The following MBD3L1 variants were observed in gnomAD, a reference collection of about 807,000 sequenced individuals.
MBD3L1 encodes methyl-CpG binding domain protein 3 like 1.
For synonymous variants in MBD3L1, 84 were observed against 85.1 expected (o/e 0.99, Z 0.07); for missense variants, 203 against 230.1 (o/e 0.88, Z 0.76).
chr19:8,834,377 AGGCAG>A (rs2044430222), intron 1 of MBD3L1, among the ~76,000 whole-genome samples: 1 of 152,226 alleles, frequency 6.6e-6, no homozygotes, highest in South Asian at 2.1e-4. Flanking sequence ...TGGGAGGCTG[AGGCAG>A]GCAGATCACG....
In MBD3L1 at chr19:8,841,625, C is replaced by T. The variant is rs555008781; in HGVS notation, c.-22+626C>T. 3.9e-5 allele frequency among the ~76,000 whole-genome samples: 6 copies of T among 152,212 alleles called. No individual in the cohort carries two copies. In the East Asian group the frequency reaches 5.8e-4, roughly 15 times the overall value. ...AGACTGGAGTGCAGTGGTGCGATCT[C>T]GGCTCACTGCCACCTCCAGCTCCCG... On this transcript the variant is annotated intron_variant, in intron 2 of 2. Coordinates refer to ENST00000595891, the MANE Select transcript of MBD3L1 (RefSeq NM_001393532.1).
rs542318207 is a variant in MBD3L1, at chr19:8,838,252, C to CAA, written c.-106-2633_-106-2632dup. ...TGGACGACAGAGCAAGACTCCATCT[C>CAA]AAAAAAAAAAAAAAAAAAAAAAAAA... is the stretch of plus-strand genomic sequence containing the variant. On this transcript the variant is annotated intron_variant, in intron 1 of 2. Coordinates refer to ENST00000595891, the MANE Select transcript of MBD3L1 (RefSeq NM_001393532.1). 8.5e-3 allele frequency among the ~76,000 whole-genome samples: 100 copies of CAA among 11,830 alleles called. 24 individuals carry two copies. The highest frequency in any genetic ancestry group is 0.017 in the African/African-American group (68 of 4,046). 7.8% of individuals were successfully genotyped at this position (11,830 alleles called of 152,430 possible).
At chr19:8,834,039 G>T (rs1261055092) in intron 1 of MBD3L1, among the ~76,000 whole-genome samples, 1 of 152,102 alleles carries the variant, frequency 6.6e-6, no homozygotes, top group South Asian at 2.1e-4. Flanking sequence ...AAAGATACTG[G>T]TAAGTGCAAA....
chr19:8,842,098 G>T (rs193214793), intron 2 of MBD3L1, among the ~76,000 whole-genome samples: 1,872 of 152,170 alleles, frequency 0.012, 18 homozygotes, highest in South Asian at 0.027. Context: ...GAGGTCGAGG[G>T]GGGGTGGATC....
rs577880627 is a variant in MBD3L1 at position 8,842,253 on chromosome 19, G to A, written c.-21-405G>A. 6.6e-4 allele frequency among the ~76,000 whole-genome samples: 100 copies of A among 151,682 alleles called. 1 individual carries two copies. The highest frequency in any genetic ancestry group is 3.3e-3 in the South Asian group (16 of 4,796). On this transcript the variant is annotated intron_variant, in intron 2 of 2. Transcript: ENST00000595891. ...AGGTGGGTGGATCACTTGAGCCTGG[G>A]GAGGTAAAGGCTGCAGTGAGCTGTG...
intron 1 of MBD3L1, among the ~76,000 whole-genome samples, chr19:8,840,028 C>CA (rs2044495739): frequency 6.6e-6 from 1 of 151,476 alleles, no homozygotes; most frequent in Admixed American, 6.6e-5. Flanking sequence ...CTAAAAATAC[C>CA]AAAAAATTAG....
chr19:8,836,388 TTCC>T (rs1277946897), intron 1 of MBD3L1, among the ~76,000 whole-genome samples: 1 of 151,598 alleles, frequency 6.6e-6, no homozygotes. Context: ...ACTCCTCCCC[TTCC>T]TCCTCCTCCT....
intron 1 of MBD3L1, among the ~76,000 whole-genome samples, chr19:8,834,692 A>G (rs1311963038): frequency 3.3e-5 from 5 of 151,912 alleles, no homozygotes; most frequent in Non-Finnish European, 4.4e-5. Flanking sequence ...ATGAAATTGG[A>G]CCTCTACTTC....
chr19:8,837,935 G>T (rs2044470920), intron 1 of MBD3L1, among the ~76,000 whole-genome samples: 1 of 151,960 alleles, frequency 6.6e-6, no homozygotes, highest in Admixed American at 6.6e-5. Context: ...AGACAGCAAG[G>T]CTGAAATTCT....
intron 1 of MBD3L1, among the ~76,000 whole-genome samples, chr19:8,838,278 A>AAAAAAAAAAAAAAAAC (rs1261754084): frequency 6.8e-6 from 1 of 147,540 alleles, no homozygotes; most frequent in Non-Finnish European, 1.5e-5. Flanking sequence ...AAAAAAAAAA[A>AAAAAAAAAAAAAAAAC]AAAAAGATCA....
chr19:8,837,766 A>G (rs184334914), intron 1 of MBD3L1, among the ~76,000 whole-genome samples: 37 of 152,342 alleles, frequency 2.4e-4, no homozygotes, highest in African/African-American at 8.2e-4. Flanking sequence ...AGTAAAAACA[A>G]CTAGTAGCTT....
intron 1 of MBD3L1, among the ~76,000 whole-genome samples, chr19:8,835,498 G>A (rs903900112): frequency 6.6e-6 from 1 of 152,062 alleles, no homozygotes; most frequent in African/African-American, 2.4e-5. Flanking sequence ...ACACCCATTG[G>A]GATAATTAAA....
At chr19:8,837,339 T>A (rs2044465684) in intron 1 of MBD3L1, among the ~76,000 whole-genome samples, 1 of 152,218 alleles carries the variant, frequency 6.6e-6, no homozygotes, top group Non-Finnish European at 1.5e-5. Flanking sequence ...AGTACTGGTG[T>A]AGCCGTATGA....
At chr19:8,833,336 T>TG (rs1423735248) in intron 1 of MBD3L1, 3 of 152,208 alleles carry the variant, frequency 2.0e-5, no homozygotes, top group African/African-American at 7.2e-5. Flanking sequence ...AGGAGAGGAC[T>TG]GGGTCATAGA....
Position 8,840,116 on chromosome 19 carries a change from G to A in MBD3L1, c.-106-799G>A, listed in dbSNP as rs565293798. On this transcript the variant is annotated intron_variant, in intron 1 of 2. Coordinates refer to ENST00000595891, the MANE Select transcript of MBD3L1 (RefSeq NM_001393532.1). The stretch of plus-strand genomic sequence containing the variant: ...AGATAATTGCTTGAACCCGGGCAGT[G>A]GAGGTTGCAGTGAGCCCAGATCATC... Among the ~76,000 whole-genome samples, 9 of 151,680 alleles carry A rather than the reference G, an allele frequency of 5.9e-5. No individual in the cohort carries two copies. In the East Asian group the frequency reaches 1.6e-3, roughly 26 times the overall value.
chr19:8,841,255 C>G (rs960830122), intron 2 of MBD3L1, among the ~76,000 whole-genome samples: 17 of 150,714 alleles, frequency 1.1e-4, no homozygotes, highest in Non-Finnish European at 2.2e-4. Context: ...TGGTCTTGAA[C>G]TCCTGGCCTC....
Position 8,842,785 on chromosome 19 carries a change from A to C in MBD3L1, c.107A>C (p.Lys36Thr), listed in dbSNP as rs2044526162. Reference sequence around the variant, plus strand: ...TTGAGAATGTCCAGTTACACATTCAAGAGGCCAGTAACGAGAATTACACCC... The same window carrying C: ...TTGAGAATGTCCAGTTACACATTCACGAGGCCAGTAACGAGAATTACACCC... Reference protein sequence around the residue: ...IPLRMSSYTFKRPVTRITPHP... With the variant: ...IPLRMSSYTFTRPVTRITPHP... Residue 36 changes from lysine (K) to threonine (T), a missense_variant, in exon 3 of 3, where the codon AAG becomes ACG. By Grantham distance (78) the Lys-to-Thr change is moderately conservative. Coordinates refer to ENST00000595891, the MANE Select transcript of MBD3L1 (RefSeq NM_001393532.1). 6.2e-7 allele frequency: 1 copy of C among 1,614,126 alleles called. No homozygotes were observed. Among genetic ancestry groups the C allele is most frequent in the Non-Finnish European group, 8.5e-7 (1 of 1,180,040 alleles).
chr19:8,842,932 G>A lies in MBD3L1; in HGVS notation c.254G>A (p.Ser85Asn), dbSNP rs377030363. ...TACAGCAGTGCAGGAGAACTTTCAA[G>A]CACTTTGGATCTTGCCAATACCTTG... is the stretch of plus-strand genomic sequence containing the variant. ...QAYSSAGELS[S>N]TLDLANTLQK... Residue 85 changes from serine (S) to asparagine (N), a missense_variant, in exon 3 of 3, where the codon AGC becomes AAC. Ser to Asn is a conservative substitution (Grantham distance 46, BLOSUM62 1). Coordinates refer to ENST00000595891, the MANE Select transcript of MBD3L1 (RefSeq NM_001393532.1). The A allele has an allele frequency of 6.8e-6, 11 of 1,614,118 alleles. No individual in the cohort carries two copies. In the African/African-American group the frequency reaches 1.2e-4, roughly 18 times the overall value.
intron 1 of MBD3L1, among the ~76,000 whole-genome samples, chr19:8,838,724 G>T (rs931025990): frequency 6.6e-6 from 1 of 152,190 alleles, no homozygotes; most frequent in South Asian, 2.1e-4. Context: ...CGTAGGTAAA[G>T]AAAGACAGAT....
Sources: allele counts gnomAD v4.1 joint callset (sites outside exome capture counted in the v4.1 genomes callset), GRCh38; gene constraint gnomAD v4.1.1; transcripts MANE v1.5; gene names NCBI Gene and HGNC (gene_info 2026-07-23, HGNC 2026-07-21).